Variants in TIPIN observed in about 807,000 individuals in gnomAD.
The protein encoded by TIPIN is TIMELESS interacting protein, also known as TIMELESS-interacting protein.
In TIPIN, 29 loss-of-function variants were observed where a neutral mutation model predicts 35.6. The observed-to-expected ratio is 0.82, with a 90% CI of 0.61 to 1.11. TIPIN has a LOEUF of 1.11. Among genes scored for constraint, TIPIN ranks in the 50% most tolerant of loss-of-function variants. TIPIN has a pLI of 0.00. For synonymous variants in TIPIN, 102 were observed against 121.5 expected (o/e 0.84, Z 1.06); for missense variants, 296 against 345.4 (o/e 0.86, Z 1.13).
At chr15:66,337,452 G>A (rs2093052805) in intron 7 of TIPIN, among the ~76,000 whole-genome samples, 1 of 150,416 alleles carries the variant, frequency 6.6e-6, no homozygotes. Context: ...CTCCCGAGTA[G>A]CTGGGATTAC....
intron 7 of TIPIN, among the ~76,000 whole-genome samples, chr15:66,339,161 AAAAG>A (rs2093068205): frequency 6.7e-6 from 1 of 149,874 alleles, no homozygotes. Flanking sequence ...AAAAAAAGCA[AAAAG>A]AAAAAGTAAA....
intron 6 of TIPIN, among the ~76,000 whole-genome samples, chr15:66,348,851 G>A (rs2899717): frequency 0.85 from 128,525 of 152,046 alleles, 55,603 homozygotes; most frequent in East Asian, 1. Flanking sequence ...AGGCTGAGGC[G>A]GGAGGATCCC....
intron 1 of TIPIN, chr15:66,382,266 A>G (rs961685049): frequency 1.2e-6 from 1 of 827,686 alleles, no homozygotes; most frequent in South Asian, 5.6e-5. Flanking sequence ...GTAATCAGCC[A>G]AGGGCAGAAC....
At chr15:66,383,856 T>C (rs1382113730) in intron 1 of TIPIN, among the ~76,000 whole-genome samples, 1 of 152,228 alleles carries the variant, frequency 6.6e-6, no homozygotes, top group Non-Finnish European at 1.5e-5. Flanking sequence ...CTGCTCGTCA[T>C]ACTTTACACA....
At chr15:66,377,851 T>TA (rs1348801709) in intron 1 of TIPIN, among the ~76,000 whole-genome samples, 1 of 146,476 alleles carries the variant, frequency 6.8e-6, no homozygotes, top group Non-Finnish European at 1.5e-5. Context: ...TAATTTTTTC[T>TA]TTTTTTTTTT....
At chr15:66,339,612 A>C (rs2093071022) in intron 7 of TIPIN, among the ~76,000 whole-genome samples, 1 of 152,188 alleles carries the variant, frequency 6.6e-6, no homozygotes, top group African/African-American at 2.4e-5. Context: ...TCATACCTGC[A>C]ATCCCAGCAC....
chr15:66,369,019 G>C (rs2093268137), intron 1 of TIPIN, among the ~76,000 whole-genome samples: 1 of 152,026 alleles, frequency 6.6e-6, no homozygotes, highest in South Asian at 2.1e-4. Flanking sequence ...TGAACACCAG[G>C]ACCTCTAAAA....
At chr15:66,354,108 C>T (rs2093187811) in intron 1 of TIPIN, among the ~76,000 whole-genome samples, 1 of 152,164 alleles carries the variant, frequency 6.6e-6, no homozygotes, top group Admixed American at 6.6e-5. Flanking sequence ...ATCCAAGACT[C>T]CATCCTAGGG....
At chr15:66,353,859 G>C (rs2093185729) in intron 1 of TIPIN, among the ~76,000 whole-genome samples, 1 of 151,746 alleles carries the variant, frequency 6.6e-6, no homozygotes, top group African/African-American at 2.4e-5. Flanking sequence ...TAACTTCTAA[G>C]ACATGCCGGT....
At chr15:66,363,925 G>T (rs2093241863) in intron 1 of TIPIN, among the ~76,000 whole-genome samples, 1 of 151,202 alleles carries the variant, frequency 6.6e-6, no homozygotes. Context: ...AGAGCTTGCA[G>T]TGAGCTGAGA....
chr15:66,350,454 A>C (rs2093159682), intron 4 of TIPIN, among the ~76,000 whole-genome samples: 1 of 151,236 alleles, frequency 6.6e-6, no homozygotes, highest in African/African-American at 2.4e-5. Context: ...AAAATACAAA[A>C]ATTAGTTGGG....
chr15:66,374,827 C>G (rs2093290527), intron 1 of TIPIN, among the ~76,000 whole-genome samples: 1 of 152,144 alleles, frequency 6.6e-6, no homozygotes, highest in African/African-American at 2.4e-5. Flanking sequence ...GGTGATCCGC[C>G]TGCCTTGTCC....
chr15:66,385,062 GCT>G (rs778185185), intron 1 of TIPIN, among the ~76,000 whole-genome samples: 7 of 152,230 alleles, frequency 4.6e-5, no homozygotes, highest in Admixed American at 2.0e-4. Flanking sequence ...GAGAAAGCTG[GCT>G]CTGTCATGCT....
In TIPIN at chr15:66,336,932, C is replaced by CGT; in HGVS notation, c.*25_*26insAC. The CGT allele has an allele frequency of 6.3e-7, 1 of 1,593,650 alleles. No homozygotes were observed. The highest frequency in any genetic ancestry group is 8.6e-7 in the Non-Finnish European group (1 of 1,164,544). ...CCAAGCTTGCAGGACGATGACTTAA[C>CGT]AGATACATTTTCTCTTAATGGAAAC... On this transcript the variant is annotated 3_prime_UTR_variant, in exon 8 of 8. Coordinates refer to ENST00000261881, the MANE Select transcript of TIPIN (RefSeq NM_017858.3).
At position 66,349,228 on chromosome 15, in the gene TIPIN, G is replaced by T; in HGVS notation, c.411+87C>A. On this transcript the variant is annotated intron_variant, in intron 5 of 7. Transcript: ENST00000261881. The stretch of plus-strand genomic sequence containing the variant: ...TCTCTACCAAAAGAGATTTCAAAAT[G>T]AACACTTTAAACAGCAATTTAGCCT... 3.1e-6 allele frequency: 5 copies of T among 1,598,540 alleles called. No individual in the cohort carries two copies. The East Asian group carries it at 8.9e-5, about 29-fold the overall frequency.
chr15:66,362,588 G>A (rs2093236375), intron 1 of TIPIN, among the ~76,000 whole-genome samples: 1 of 152,122 alleles, frequency 6.6e-6, no homozygotes, highest in Admixed American at 6.6e-5. Context: ...AGGTCTGGTG[G>A]CACATGCCAG....
At chr15:66,377,216 T>C (rs1349577134) in intron 1 of TIPIN, among the ~76,000 whole-genome samples, 1 of 152,124 alleles carries the variant, frequency 6.6e-6, no homozygotes, top group Non-Finnish European at 1.5e-5. Flanking sequence ...AAAGGTGATC[T>C]CTCATAATTT....
chr15:66,385,435 C>G (rs995181735), intron 1 of TIPIN, among the ~76,000 whole-genome samples: 1 of 152,106 alleles, frequency 6.6e-6, no homozygotes, highest in Non-Finnish European at 1.5e-5. Flanking sequence ...TCTTATTAAG[C>G]TCTTTATTCA....
rs1280038263 is a variant in TIPIN at position 66,336,238 on chromosome 15, T to C, written c.*720A>G. The C allele has an allele frequency of 6.6e-6, 1 of 152,164 alleles. No individual in the cohort carries two copies. Among genetic ancestry groups the C allele is most frequent in the Non-Finnish European group, 1.5e-5 (1 of 68,036 alleles). The allele number at this position is 152,164 out of a possible 1,614,324, so 9.4% of individuals were successfully genotyped here. On this transcript the variant is annotated 3_prime_UTR_variant, in exon 8 of 8. Transcript: ENST00000261881. ...TTCTTTTAAAAAATTGACATTAATA[T>C]TCAGTATATATGTACATCTCAAAAC...
Sources: gnomAD v4.1 joint callset for allele counts (sites outside exome capture counted in the v4.1 genomes callset) on GRCh38, gnomAD v4.1.1 for gene constraint, MANE v1.5 for transcripts, NCBI Gene and HGNC (gene_info 2026-07-23, HGNC 2026-07-21) for gene names.